The following TET1 variants were observed in gnomAD, a reference collection of about 807,000 sequenced individuals.
TET1 encodes tet methylcytosine dioxygenase 1, also known as methylcytosine dioxygenase TET1.
TET1 carries 13 observed loss-of-function variants against 148.7 expected under a neutral mutation model. The ratio of observed to expected loss-of-function variants is 0.09; its 90% CI spans 0.06 to 0.14. TET1 has a LOEUF of 0.14. TET1 is among the 10% of genes least tolerant of loss of function. The pLI is 1.00. For synonymous variants in TET1, 907 were observed against 937.2 expected (o/e 0.97, Z 0.59); for missense variants, 2,182 against 2,553.8 (o/e 0.85, Z 3.14).
chr10:68,691,993 A>G lies in TET1; in HGVS notation c.*179A>G, dbSNP rs1183393883. ...TCTTAACTGTGACTATATTTTGACA[A>G]TTGGTAGAAGGTGCACATTTTAAGC... is the stretch of plus-strand genomic sequence containing the variant. On this transcript the variant is annotated 3_prime_UTR_variant, in exon 12 of 12. Transcript: ENST00000373644. The surrounding 1 kb of genome is among the most constrained non-coding windows in gnomAD (Gnocchi z 4.4). 8.7e-6 allele frequency: 6 copies of G among 691,636 alleles called. No homozygotes were observed. The highest frequency in any genetic ancestry group is 8.1e-5 in the East Asian group (3 of 37,054). The allele number at this position is 691,636 out of a possible 1,614,324, so 42.8% of individuals were successfully genotyped here.
chr10:68,633,299 C>T (rs1589096556), intron 3 of TET1, among the ~76,000 whole-genome samples: 1 of 151,892 alleles, frequency 6.6e-6, no homozygotes, highest in East Asian at 1.9e-4. Context: ...TTAATCTTGT[C>T]TGATTAATCT....
chr10:68,584,287 C>G (rs1250505462), intron 2 of TET1, among the ~76,000 whole-genome samples: 1 of 151,668 alleles, frequency 6.6e-6, no homozygotes, highest in Non-Finnish European at 1.5e-5. Flanking sequence ...GGTGATCCAT[C>G]TGCCTCAGCC....
In TET1 at chr10:68,617,260, G is replaced by A. The variant is rs537546605; in HGVS notation, c.1968+16226G>A. Reference sequence around the variant, plus strand: ...AGTATGGTCTCGATCTCCTGACCTCGTGATCCACCCACCTCGGCCTCCCAA... The same window carrying A: ...AGTATGGTCTCGATCTCCTGACCTCATGATCCACCCACCTCGGCCTCCCAA... On this transcript the variant is annotated intron_variant, in intron 3 of 11. Coordinates refer to ENST00000373644, the MANE Select transcript of TET1 (RefSeq NM_030625.3). Among the ~76,000 whole-genome samples the A allele has an allele frequency of 9.4e-4, 142 of 150,370 alleles. 1 individual carries two copies. The highest frequency in any genetic ancestry group is 3.0e-3 in the African/African-American group (123 of 40,948).
chr10:68,667,378 T>A, intron 7 of TET1, 122 bp downstream of exon 7: 1 of 854,442 alleles, frequency 1.2e-6, no homozygotes, highest in Non-Finnish European at 1.8e-6. Flanking sequence ...ATTGTGGAAT[T>A]AAAAAGAATG....
chr10:68,605,051 G>T (rs2054104685), intron 3 of TET1, among the ~76,000 whole-genome samples: 1 of 152,208 alleles, frequency 6.6e-6, no homozygotes, highest in South Asian at 2.1e-4. Context: ...AATGTCAGTG[G>T]ATATTAAACT....
At chr10:68,614,075 C>T (rs1375512612) in intron 3 of TET1, among the ~76,000 whole-genome samples, 3 of 152,166 alleles carry the variant, frequency 2.0e-5, no homozygotes, top group African/African-American at 7.2e-5. Context: ...TATGCTCTCA[C>T]TTAATGGATA....
chr10:68,572,466 C>G lies in TET1; in HGVS notation c.128C>G (p.Thr43Ser), dbSNP rs1266192390. 1 of 1,614,078 alleles carries G rather than the reference C, an allele frequency of 6.2e-7. No individual in the cohort carries two copies. Among genetic ancestry groups the G allele is most frequent in the South Asian group, 1.1e-5 (1 of 91,044 alleles). The change falls in exon 2 of 12, where the codon ACT (threonine) becomes AGT (serine). Residue 43 changes from threonine (T) to serine (S), a missense_variant. Thr to Ser is a moderately conservative substitution (Grantham distance 58). Coordinates refer to ENST00000373644, the MANE Select transcript of TET1 (RefSeq NM_030625.3). ...GANKNVASVKTLSPGKLKQLI... is the reference protein window; with the variant it reads ...GANKNVASVKSLSPGKLKQLI... ...AACAAAAATGTGGCATCAGTCAAGA[C>G]TTTAAGCCCTGGAAAATTAAAGCAA...
intron 6 of TET1, among the ~76,000 whole-genome samples, chr10:68,658,834 C>T (rs924099543): frequency 1.3e-5 from 2 of 151,910 alleles, no homozygotes; most frequent in African/African-American, 4.8e-5. Flanking sequence ...TGCCACTGCC[C>T]TCCAGCCTGG....
In TET1 at chr10:68,609,223, G is replaced by A. The variant is rs992106805; in HGVS notation, c.1968+8189G>A. On this transcript the variant is annotated intron_variant, in intron 3 of 11. Coordinates refer to ENST00000373644, the MANE Select transcript of TET1 (RefSeq NM_030625.3). ...GTTGCCCAGGCTGGAGTGCAATGGC[G>A]TGATCTTGGCTCACTGCAACCTCCA... 5.3e-5 allele frequency among the ~76,000 whole-genome samples: 8 copies of A among 151,716 alleles called. 1 individual carries two copies. Among genetic ancestry groups the A allele is most frequent in the Admixed American group, 2.0e-4 (3 of 15,216 alleles).
chr10:68,626,840 T>C (rs1308424775), intron 3 of TET1, among the ~76,000 whole-genome samples: 1 of 152,054 alleles, frequency 6.6e-6, no homozygotes, highest in Non-Finnish European at 1.5e-5. Context: ...CAAGCTACTA[T>C]GACTGGCCCC....
intron 2 of TET1, among the ~76,000 whole-genome samples, chr10:68,599,359 T>C (rs1215967258): frequency 6.6e-6 from 1 of 152,258 alleles, no homozygotes; most frequent in Non-Finnish European, 1.5e-5. Context: ...GTGGCTGTGA[T>C]GGGACTGTGA....
chr10:68,643,621 G>GACC (rs1466830796), intron 3 of TET1, among the ~76,000 whole-genome samples: 1 of 152,004 alleles, frequency 6.6e-6, no homozygotes, highest in Admixed American at 6.6e-5. Context: ...AGGAGTCCAA[G>GACC]ACCAGCCTGG....
chr10:68,596,027 C>CACACAGAT (rs71470531), intron 2 of TET1, among the ~76,000 whole-genome samples: 1 of 61,734 alleles, frequency 1.6e-5, no homozygotes, highest in Non-Finnish European at 2.9e-5. Flanking sequence ...CACACACACA[C>CACACAGAT]ATATATATAT....
Position 68,667,254 on chromosome 10 carries a change from A to G in TET1, c.4671A>G (p.Glu1557=), listed in dbSNP as rs1325909002. 6.2e-7 allele frequency: 1 copy of G among 1,609,676 alleles called. No individual in the cohort carries two copies. Among genetic ancestry groups the G allele is most frequent in the Admixed American group, 1.7e-5 (1 of 59,294 alleles). The change falls in exon 7 of 12, where the codon GAA becomes GAG. Residue 1557 remains glutamate, a splice_region_variant and synonymous_variant. Transcript: ENST00000373644. ...CCGACAGAAGATGCACCCTCAATGA[A>G]AAGTAATTAAATCTGTTTTATACTG... The part of the protein sequence containing the change: ...HPTDRRCTLN[E]NRTCTCQGID...
At chr10:68,598,245 G>A (rs1435279763) in intron 2 of TET1, among the ~76,000 whole-genome samples, 3 of 152,104 alleles carry the variant, frequency 2.0e-5, no homozygotes, top group Non-Finnish European at 4.4e-5. Context: ...CAAAAAATTA[G>A]CCAGGCGTGA....
rs751360035 is a variant in TET1, at chr10:68,690,817, C to G, written c.5414C>G (p.Thr1805Ser). ...TGGTGTCCTTGTTTAGGGAGTAACA[C>G]TGAGACCGTGCAACCTGAAGTAAAA... ...PSSLPTLGSNTETVQPEVKSE... is the reference protein window; with the variant it reads ...PSSLPTLGSNSETVQPEVKSE... Residue 1805 changes from threonine to serine, a missense_variant, in exon 12 of 12, where the codon ACT becomes AGT. This residue lies in a region of TET1 where 380 missense variants were observed against 387.9 expected (regional missense o/e 0.98). Transcript: ENST00000373644. 1.1e-5 allele frequency: 18 copies of G among 1,603,746 alleles called. 2 individuals are homozygous for G. In the South Asian group the frequency reaches 2.0e-4, roughly 18 times the overall value.
chr10:68,586,322 C>T lies in TET1; in HGVS notation c.1914+12070C>T, dbSNP rs192275217. 5.3e-5 allele frequency among the ~76,000 whole-genome samples: 8 copies of T among 152,156 alleles called. No individual in the cohort carries two copies. In the South Asian group the frequency reaches 6.2e-4, roughly 12 times the overall value. ...CCTCCCTCATAGCTGGGATTACAGG[C>T]GCCAACCACCACTCCCAGCTAATTT... On this transcript the variant is annotated intron_variant, in intron 2 of 11. Transcript: ENST00000373644.
At chr10:68,602,746 C>G (rs1347593434) in intron 3 of TET1, among the ~76,000 whole-genome samples, 1 of 152,124 alleles carries the variant, frequency 6.6e-6, no homozygotes, top group Non-Finnish European at 1.5e-5. Flanking sequence ...CAAGCAGAAC[C>G]AAATTGTTGC....
Position 68,646,713 on chromosome 10 carries a change from A to G in TET1, c.3984A>G (p.Gln1328=), listed in dbSNP as rs763359466. 5 of 1,614,122 alleles carry G rather than the reference A, an allele frequency of 3.1e-6. No individual in the cohort carries two copies. Among genetic ancestry groups the G allele is most frequent in the South Asian group, 1.1e-5 (1 of 91,082 alleles). The part of the protein sequence containing the change: ...QIRFQQVVKE[Q]LMHQRLPTLP... ...GGTTTCAGCAGGTTGTTAAGGAGCA[A>G]CTCATGCATCAGAGACTGCCAACAT... The change falls in exon 4 of 12, where the codon CAA becomes CAG. Residue 1328 remains glutamine (Q), a synonymous_variant. Transcript: ENST00000373644.
Sources: allele counts gnomAD v4.1 joint callset (sites outside exome capture counted in the v4.1 genomes callset), GRCh38; gene constraint gnomAD v4.1.1; regional missense constraint gnomAD v4.1.1; non-coding constraint Gnocchi (gnomAD v3.1); transcripts MANE v1.5; gene names NCBI Gene and HGNC (gene_info 2026-07-23, HGNC 2026-07-21).